DNAH17: variants seen among roughly 807,000 people sequenced by gnomAD.
The protein encoded by DNAH17 is dynein axonemal heavy chain 17.
DNAH17 carries 376 observed loss-of-function variants against 485.6 expected under a neutral mutation model. That is an observed-to-expected ratio of 0.77 (90% CI 0.71 to 0.84). The LOEUF is 0.84. DNAH17 is among the 40% of genes least tolerant of loss of function. The pLI, the probability that DNAH17 is intolerant of heterozygous loss-of-function variation, is 0.00. For missense variants in DNAH17, 6,370 were observed against 5,839.3 expected (o/e 1.09, Z -2.96); for synonymous variants, 3,031 against 2,405.9 (o/e 1.26, Z -7.60).
At chr17:78,440,035 G>T (rs980321864) in intron 72 of DNAH17, among the ~76,000 whole-genome samples, 3 of 151,758 alleles carry the variant, frequency 2.0e-5, no homozygotes, top group African/African-American at 7.3e-5. Flanking sequence ...CCAAGCTCAA[G>T]TGATCCTTCT....
intron 54 of DNAH17, among the ~76,000 whole-genome samples, chr17:78,470,894 T>C (rs1398237924): frequency 6.6e-6 from 1 of 152,166 alleles, no homozygotes; most frequent in Non-Finnish European, 1.5e-5. Flanking sequence ...GGCGAGAAGA[T>C]GGTTTCATAG....
At position 78,425,364 on chromosome 17, in the gene DNAH17, A is replaced by G. The variant is rs1568031735; in HGVS notation, c.13123T>C (p.Tyr4375His). 1 of 1,613,916 alleles carries G rather than the reference A, an allele frequency of 6.2e-7. No individual in the cohort carries two copies. Among genetic ancestry groups the G allele is most frequent in the South Asian group, 1.1e-5 (1 of 91,078 alleles). Residue 4375 changes from tyrosine to histidine, a missense_variant, in exon 80 of 81, where the codon TAC (tyrosine) becomes CAC (histidine). Transcript: ENST00000389840. The stretch of plus-strand genomic sequence containing the variant: ...TCCTTACCTTCCATGAAGAGTCCGT[A>G]CACGTAGGAGCCCTCTCGCGGAGGA... The part of the protein sequence containing the change: ...TAPPREGSYV[Y>H]GLFMEGARWD...
intron 34 of DNAH17, 148 bp from the exon 35 acceptor site, chr17:78,501,492 T>A: frequency 9.4e-7 from 1 of 1,059,728 alleles, no homozygotes; most frequent in Admixed American, 2.9e-5. Flanking sequence ...CACATCCAAC[T>A]GTATGGCCAC....
chr17:78,567,382 T>C (rs1183238464), intron 9 of DNAH17, among the ~76,000 whole-genome samples: 1 of 152,096 alleles, frequency 6.6e-6, no homozygotes, highest in Non-Finnish European at 1.5e-5. Flanking sequence ...GGAAGGGCTC[T>C]GTGAATTATC....
In DNAH17 at chr17:78,561,857, C is replaced by T. The variant is rs2092163413; in HGVS notation, c.1693G>A (p.Ala565Thr). ...CCCTCCTCGGAGGCCGCCATCTGGG[C>T]ATCGTACAAGATCTTAGCATTGTCT... ...ELDNAKILYD[A>T]QMAASEEGNI... The change falls in exon 12 of 81, where the codon GCC (alanine) becomes ACC (threonine). Residue 565 changes from alanine (A) to threonine (T), a missense_variant. Coordinates refer to ENST00000389840, the MANE Select transcript of DNAH17 (RefSeq NM_173628.4). The T allele has an allele frequency of 6.2e-7, 1 of 1,613,960 alleles. No homozygotes were observed. The highest frequency in any genetic ancestry group is 8.5e-7 in the Non-Finnish European group (1 of 1,179,864).
At chr17:78,426,365 T>G in intron 79 of DNAH17, 92 bp downstream of exon 79, 1 of 1,403,196 alleles carries the variant, frequency 7.1e-7, no homozygotes, top group Non-Finnish European at 9.3e-7. Flanking sequence ...CTCCTGGCCA[T>G]GCTCCTGCAG....
chr17:78,513,159 C>T (rs556700194), intron 26 of DNAH17, among the ~76,000 whole-genome samples: 16 of 152,030 alleles, frequency 1.1e-4, no homozygotes, highest in Middle Eastern at 3.4e-3. Flanking sequence ...CAGGCCATGA[C>T]GGGAAGGAGG....
intron 51 of DNAH17, among the ~76,000 whole-genome samples, chr17:78,478,576 C>T (rs1467467774): frequency 1.3e-5 from 2 of 150,992 alleles, no homozygotes; most frequent in African/African-American, 4.9e-5. Flanking sequence ...TGACCATCAC[C>T]ATTACCACCA....
rs1361840155 is a variant in DNAH17 at position 78,454,467 on chromosome 17, C to T, written c.10406+3G>A. On this transcript the variant is annotated splice_donor_region_variant and intron_variant, in intron 64 of 80. Transcript: ENST00000389840. ...TCGGCCCAGGTCCTGCGCCCGCACA[C>T]ACCTCTTCTGTCCCAGGCGGATGGC... 6.2e-7 allele frequency: 1 copy of T among 1,610,126 alleles called. No homozygotes were observed. Among genetic ancestry groups the T allele is most frequent in the Admixed American group, 1.7e-5 (1 of 59,714 alleles).
At chr17:78,469,674 G>A (rs1051504396) in intron 54 of DNAH17, among the ~76,000 whole-genome samples, 1 of 152,182 alleles carries the variant, frequency 6.6e-6, no homozygotes, top group African/African-American at 2.4e-5. Flanking sequence ...CAACCCAAGT[G>A]TCCATCCATG....
In DNAH17 at chr17:78,453,340, C is replaced by T. The variant is rs2087637153; in HGVS notation, c.10529+3G>A. ...TCAAGCCACGGAGGCGGAAACAACTCACTTTCCCTTTTTAATCGTGTTCCT... is the reference window on the plus strand; with the variant it reads ...TCAAGCCACGGAGGCGGAAACAACTTACTTTCCCTTTTTAATCGTGTTCCT... On this transcript the variant is annotated splice_donor_region_variant and intron_variant, in intron 65 of 80. Coordinates refer to ENST00000389840, the MANE Select transcript of DNAH17 (RefSeq NM_173628.4). 1 of 1,612,896 alleles carries T rather than the reference C, an allele frequency of 6.2e-7. No individual in the cohort carries two copies. The highest frequency in any genetic ancestry group is 1.3e-5 in the African/African-American group (1 of 74,916).
In DNAH17 at chr17:78,491,639, AC is replaced by A. The variant is rs1008263265; in HGVS notation, c.6542-70del. On this transcript the variant is annotated intron_variant, in intron 42 of 80. Coordinates refer to ENST00000389840, the MANE Select transcript of DNAH17 (RefSeq NM_173628.4). The stretch of plus-strand genomic sequence containing the variant: ...CCCATTCCAGTCCCCACCAGTCCTG[AC>A]CCTGGCCTCTCTCTCTGGGAGGGAG... 53 of 1,544,758 alleles carry A rather than the reference AC, an allele frequency of 3.4e-5. No individual in the cohort carries two copies. The African/African-American group carries it at 6.0e-4, about 18-fold the overall frequency.
In DNAH17 at chr17:78,463,047, TGAA is replaced by T; in HGVS notation, c.8968_8970del (p.Phe2990del). On this transcript the variant is annotated inframe_deletion, in exon 57 of 81. Transcript: ENST00000389840. ...TTGACGGTGGTGTGCACGTAGGACA[TGAA>T]GAAGCTGATGGAGGCCTTGACTTCC... 6.2e-7 allele frequency: 1 copy of T among 1,613,810 alleles called. No individual in the cohort carries two copies.
intron 30 of DNAH17, among the ~76,000 whole-genome samples, 164 bp from the exon 31 acceptor site, chr17:78,505,609 C>G (rs147967595): frequency 1.3e-5 from 2 of 152,136 alleles, no homozygotes; most frequent in Non-Finnish European, 2.9e-5. Context: ...AAGGAACCAG[C>G]GAAGACTGCT....
chr17:78,468,974 T>G, intron 54 of DNAH17, 91 bp from the exon 55 acceptor site: 1 of 1,470,764 alleles, frequency 6.8e-7, no homozygotes. Context: ...CAGGGCCATT[T>G]TTTCTTTGAG....
intron 71 of DNAH17, 106 bp downstream of exon 71, chr17:78,444,498 C>T: frequency 8.9e-7 from 1 of 1,129,902 alleles, no homozygotes; most frequent in South Asian, 1.7e-5. Context: ...GAAAAAAGTT[C>T]AGGGGATCAA....
At chr17:78,465,164 G>A (rs1017928747) in intron 56 of DNAH17, among the ~76,000 whole-genome samples, 2 of 152,332 alleles carry the variant, frequency 1.3e-5, no homozygotes, top group Non-Finnish European at 1.5e-5. Context: ...GCCCCTAACC[G>A]CAAGTGATCC....
chr17:78,427,149 GCCCAC>G, intron 77 of DNAH17, 41 bp from the exon 78 acceptor site: 1 of 1,549,404 alleles, frequency 6.5e-7, no homozygotes, highest in Non-Finnish European at 8.7e-7. Context: ...ACTGCAAAGA[GCCCAC>G]CCCACCCACT....
intron 78 of DNAH17, 141 bp from the exon 79 acceptor site, chr17:78,426,741 C>T (rs760908882): frequency 2.2e-5 from 29 of 1,333,654 alleles, no homozygotes; most frequent in South Asian, 9.9e-5. Flanking sequence ...GCCACGCAAG[C>T]GCTTCCTGCT....
Sources: gnomAD v4.1 joint callset for allele counts (sites outside exome capture counted in the v4.1 genomes callset) on GRCh38, gnomAD v4.1.1 for gene constraint, MANE v1.5 for transcripts, NCBI Gene and HGNC (gene_info 2026-07-23, HGNC 2026-07-21) for gene names.